MYH10: variants seen among roughly 807,000 people sequenced by gnomAD.
MYH10 encodes the protein myosin-10.
A neutral mutation model predicts 257.8 loss-of-function variants in MYH10; 55 were observed. The observed-to-expected ratio is 0.21, with a 90% CI of 0.17 to 0.27. The LOEUF is 0.27. Ranked by LOEUF, MYH10 falls within the 10% of genes least tolerant of loss-of-function variation. The pLI is 1.00. For missense variants in MYH10, 1,631 were observed against 2,500.6 expected (o/e 0.65, Z 7.42); for synonymous variants, 854 against 921.7 (o/e 0.93, Z 1.33).
chr17:8,630,509 T>C (rs1281941541), intron 1 of MYH10, 145 bp downstream of exon 1: 8 of 153,604 alleles, frequency 5.2e-5, no homozygotes, highest in Non-Finnish European at 1.2e-4. Flanking sequence ...GAAGCCCCTC[T>C]GTCTTCCCCA....
At chr17:8,512,705 C>CA (rs764220347) in intron 23 of MYH10, 48 bp from the exon 24 acceptor site, 2 of 1,478,972 alleles carry the variant, frequency 1.4e-6, no homozygotes, top group East Asian at 4.6e-5. Flanking sequence ...TACATACGTA[C>CA]ACAGTATATA....
chr17:8,516,789 G>C (rs1207855888), intron 21 of MYH10, among the ~76,000 whole-genome samples: 2 of 152,186 alleles, frequency 1.3e-5, no homozygotes, highest in African/African-American at 2.4e-5. Flanking sequence ...ACAGTGAGGA[G>C]AGTCTCTGCT....
intron 6 of MYH10, among the ~76,000 whole-genome samples, chr17:8,571,939 A>T (rs1051327681): frequency 1.1e-4 from 9 of 79,108 alleles, no homozygotes; most frequent in East Asian, 4.0e-4. Context: ...TTTTTTTTTT[A>T]AACCTAATTC....
chr17:8,599,661 G>A (rs1177398759), intron 3 of MYH10, among the ~76,000 whole-genome samples: 1 of 152,136 alleles, frequency 6.6e-6, no homozygotes, highest in East Asian at 1.9e-4. Flanking sequence ...AAAGGAAGGT[G>A]GAAGGAACTA....
At chr17:8,601,977 CTTTTTTTTTT>C (rs11481345) in intron 3 of MYH10, among the ~76,000 whole-genome samples, 1 of 138,870 alleles carries the variant, frequency 7.2e-6, no homozygotes, top group Non-Finnish European at 1.5e-5. Flanking sequence ...GAAACAGAAT[CTTTTTTTTTT>C]TTTTTTGAGA....
chr17:8,604,721 T>TA, intron 3 of MYH10, 105 bp downstream of exon 3: 1 of 872,932 alleles, frequency 1.1e-6, no homozygotes, highest in Non-Finnish European at 1.6e-6. Context: ...TTATTAATTT[T>TA]AAAAAAATAA....
intron 9 of MYH10, among the ~76,000 whole-genome samples, chr17:8,551,267 G>A (rs1292550986): frequency 7.3e-6 from 1 of 137,582 alleles, no homozygotes; most frequent in Non-Finnish European, 1.6e-5. Context: ...TGAATTTTTA[G>A]TCTCTCCTTG....
At chr17:8,540,696 T>C (rs780372827) in intron 14 of MYH10, among the ~76,000 whole-genome samples, 69 of 152,342 alleles carry the variant, frequency 4.5e-4, no homozygotes, top group Non-Finnish European at 7.9e-4. Context: ...TCTTAAAATG[T>C]AGGACTTCCA....
intron 17 of MYH10, among the ~76,000 whole-genome samples, chr17:8,524,035 T>A (rs953250471): frequency 6.6e-6 from 1 of 151,584 alleles, no homozygotes; most frequent in African/African-American, 2.4e-5. Context: ...GGAAGAGAGG[T>A]TGGAACTAGA....
chr17:8,579,242 G>A (rs1166616914), intron 4 of MYH10, among the ~76,000 whole-genome samples: 1 of 150,522 alleles, frequency 6.6e-6, no homozygotes, highest in Admixed American at 6.6e-5. Context: ...TTGTGCCACT[G>A]CACCCCAGCC....
intron 30 of MYH10, among the ~76,000 whole-genome samples, chr17:8,498,345 G>T (rs1356216574): frequency 6.6e-6 from 1 of 152,070 alleles, no homozygotes; most frequent in Non-Finnish European, 1.5e-5. Context: ...ATCTGCAGGA[G>T]GTCCTGGATG....
chr17:8,531,881 C>T (rs902727383), intron 16 of MYH10, among the ~76,000 whole-genome samples: 5 of 152,184 alleles, frequency 3.3e-5, no homozygotes, highest in African/African-American at 9.7e-5. Flanking sequence ...AATTGCTCCC[C>T]TTATCCTGCG....
chr17:8,523,552 G>A lies in MYH10; in HGVS notation c.1958-2267C>T, dbSNP rs2081730355. Among the ~76,000 whole-genome samples the A allele has an allele frequency of 4.6e-5, 7 of 152,198 alleles. 1 individual carries two copies. The South Asian group carries it at 1.5e-3, about 32-fold the overall frequency. Reference sequence around the variant, plus strand: ...ATATGTGAAAGACCAGGGGCAGGAAGAAGCGAAGGAAGGCCAGCACGGAGG... The same window carrying A: ...ATATGTGAAAGACCAGGGGCAGGAAAAAGCGAAGGAAGGCCAGCACGGAGG... On this transcript the variant is annotated intron_variant, in intron 17 of 42. Coordinates refer to ENST00000360416, the MANE Select transcript of MYH10 (RefSeq NM_001256012.3).
chr17:8,509,553 T>C (rs554510286), intron 25 of MYH10, among the ~76,000 whole-genome samples: 6 of 152,076 alleles, frequency 3.9e-5, no homozygotes, highest in African/African-American at 7.3e-5. Flanking sequence ...CAAGTCATCA[T>C]TGAGTGACCA....
chr17:8,558,697 C>A (rs2082888557), intron 7 of MYH10, among the ~76,000 whole-genome samples: 1 of 152,210 alleles, frequency 6.6e-6, no homozygotes, highest in Admixed American at 6.5e-5. Flanking sequence ...ATTGCCTTTG[C>A]ATTGTCAGAA....
chr17:8,568,829 T>A (rs972751952), intron 7 of MYH10, among the ~76,000 whole-genome samples: 6 of 151,992 alleles, frequency 3.9e-5, no homozygotes, highest in African/African-American at 1.4e-4. Context: ...AACAGAGACC[T>A]GGCCATCACT....
At chr17:8,528,813 C>A (rs1443520489) in intron 17 of MYH10, among the ~76,000 whole-genome samples, 1 of 152,142 alleles carries the variant, frequency 6.6e-6, no homozygotes, top group African/African-American at 2.4e-5. Flanking sequence ...TCCATAAGCG[C>A]ATTAAAGAGA....
chr17:8,620,136 C>G lies in MYH10; in HGVS notation c.345+2766G>C, dbSNP rs985981899. ...TATTGAACCCTATATCCAACAGTAA[C>G]AGAATACACATTCTTTGCAAACACA... On this transcript the variant is annotated intron_variant, in intron 2 of 42. Coordinates refer to ENST00000360416, the MANE Select transcript of MYH10 (RefSeq NM_001256012.3). Among the ~76,000 whole-genome samples, 63 of 152,114 alleles carry G rather than the reference C, an allele frequency of 4.1e-4. 1 individual carries two copies. Among genetic ancestry groups the G allele is most frequent in the African/African-American group, 1.4e-3 (60 of 41,422 alleles).
chr17:8,480,577 G>C, intron 38 of MYH10, 52 bp from the exon 39 acceptor site: 1 of 1,594,658 alleles, frequency 6.3e-7, no homozygotes, highest in Non-Finnish European at 8.5e-7. Context: ...GCACAGCACA[G>C]GAGCCTCAGG....
Sources: allele counts gnomAD v4.1 joint callset (sites outside exome capture counted in the v4.1 genomes callset), GRCh38; gene constraint gnomAD v4.1.1; transcripts MANE v1.5; gene names NCBI Gene and HGNC (gene_info 2026-07-23, HGNC 2026-07-21).